The following AKAP6 variants were observed in gnomAD, a reference collection of about 807,000 sequenced individuals.
AKAP6 encodes the protein A-kinase anchor protein 6.
AKAP6 carries 58 observed loss-of-function variants against 188.5 expected under a neutral mutation model. That is an observed-to-expected ratio of 0.31 (90% CI 0.25 to 0.38). The LOEUF is 0.38. Among genes scored for constraint, AKAP6 ranks in the 10% least tolerant of loss-of-function variants. The pLI, the probability that AKAP6 is intolerant of heterozygous loss-of-function variation, is 1.00. For missense variants in AKAP6, 2,710 were observed against 2,740.0 expected, an observed-to-expected ratio of 0.99 and a Z score of 0.24; for synonymous variants, 989 against 998.6, an observed-to-expected ratio of 0.99 and a Z score of 0.18.
chr14:32,405,652 G>C (rs1469151267), intron 1 of AKAP6, among the ~76,000 whole-genome samples: 1 of 151,842 alleles, frequency 6.6e-6, no homozygotes, highest in Non-Finnish European at 1.5e-5. Context: ...GGACCAGGTG[G>C]ATGTAATTGA....
chr14:32,830,261 G>A lies in AKAP6; in HGVS notation c.*456G>A, dbSNP rs149668541. 54 of 311,536 alleles carry A rather than the reference G, an allele frequency of 1.7e-4. 1 individual carries two copies. Among genetic ancestry groups the A allele is most frequent in the African/African-American group, 9.5e-4 (44 of 46,406 alleles). The allele number at this position is 311,536 out of a possible 1,614,324, so 19.3% of individuals were successfully genotyped here. A position where few individuals can be genotyped will look rare whatever the true frequency, so the allele number is the denominator to read the frequency against. Reference sequence around the variant, plus strand: ...GTATCAATCTGGATTTTTTTTTAACGGTATAATGACTGTGTTTATTGAAAG... The same window carrying A: ...GTATCAATCTGGATTTTTTTTTAACAGTATAATGACTGTGTTTATTGAAAG... On this transcript the variant is annotated 3_prime_UTR_variant, in exon 14 of 14. Transcript: ENST00000280979.
intron 4 of AKAP6, among the ~76,000 whole-genome samples, chr14:32,564,118 A>G (rs1171555169): frequency 6.6e-6 from 1 of 152,150 alleles, no homozygotes; most frequent in African/African-American, 2.4e-5. Flanking sequence ...TGTAATATCT[A>G]ATATAATGTA....
intron 1 of AKAP6, among the ~76,000 whole-genome samples, chr14:32,404,150 G>T (rs540432506): frequency 1.7e-4 from 26 of 152,012 alleles, no homozygotes; most frequent in South Asian, 4.2e-4. Context: ...AAAACTTTTA[G>T]TAGAGTCTTT....
intron 12 of AKAP6, among the ~76,000 whole-genome samples, chr14:32,793,991 A>G (rs1196604783): frequency 6.6e-6 from 1 of 152,110 alleles, no homozygotes; most frequent in Admixed American, 6.6e-5. Context: ...TCAGCTCTGG[A>G]TCAAGTGGAC....
At chr14:32,685,724 CAAAAAAAAAAA>C (rs71115091) in intron 8 of AKAP6, among the ~76,000 whole-genome samples, 1 of 86,234 alleles carries the variant, frequency 1.2e-5, no homozygotes, top group Non-Finnish European at 2.4e-5. Flanking sequence ...GACTCCATCT[CAAAAAAAAAAA>C]AAAAAAAAAG....
At chr14:32,631,393 C>A (rs150002590) in intron 7 of AKAP6, among the ~76,000 whole-genome samples, 1 of 152,010 alleles carries the variant, frequency 6.6e-6, no homozygotes, top group East Asian at 1.9e-4. Flanking sequence ...TTATGATTTC[C>A]TGATTGGATT....
Position 32,486,383 on chromosome 14 carries a change from T to C in AKAP6, c.325-49171T>C, listed in dbSNP as rs1320595452. ...CGATGGTAGCTTGATGGGAATAGCA[T>C]TGAATCTTTAAATTAATTTGGGCAT... On this transcript the variant is annotated intron_variant, in intron 2 of 13. Transcript: ENST00000280979. Among the ~76,000 whole-genome samples, 4 of 152,216 alleles carry C rather than the reference T, an allele frequency of 2.6e-5. No individual in the cohort carries two copies. The South Asian group carries it at 6.2e-4, about 24-fold the overall frequency.
At chr14:32,527,687 T>C (rs1215833226) in intron 2 of AKAP6, among the ~76,000 whole-genome samples, 6 of 152,262 alleles carry the variant, frequency 3.9e-5, no homozygotes, top group Non-Finnish European at 5.9e-5. Flanking sequence ...TTAATTTGCA[T>C]TTCCCTGATG....
At chr14:32,628,429 A>G (rs944421125) in intron 7 of AKAP6, among the ~76,000 whole-genome samples, 3 of 152,060 alleles carry the variant, frequency 2.0e-5, no homozygotes, top group Non-Finnish European at 4.4e-5. Context: ...TAGAATTTCA[A>G]GGGCCTCCAC....
intron 7 of AKAP6, among the ~76,000 whole-genome samples, chr14:32,616,360 C>T (rs1353675484): frequency 6.6e-6 from 1 of 152,188 alleles, no homozygotes; most frequent in African/African-American, 2.4e-5. Flanking sequence ...TCTAAACGCC[C>T]ATCAATTGTA....
At chr14:32,796,921 G>A (rs2033785998) in intron 12 of AKAP6, among the ~76,000 whole-genome samples, 1 of 152,158 alleles carries the variant, frequency 6.6e-6, no homozygotes, top group Admixed American at 6.6e-5. Context: ...CTAATACCCT[G>A]AGTCTACAAG....
intron 12 of AKAP6, among the ~76,000 whole-genome samples, chr14:32,817,491 T>TTGTG (rs3033323): frequency 6.2e-5 from 9 of 145,344 alleles, no homozygotes; most frequent in African/African-American, 2.3e-4. Context: ...GTGTCTGTGT[T>TTGTG]TGTGTGTGTG....
chr14:32,587,892 A>T (rs538450775), intron 5 of AKAP6, among the ~76,000 whole-genome samples: 18 of 152,322 alleles, frequency 1.2e-4, no homozygotes, highest in African/African-American at 4.1e-4. Context: ...ACGTGATATT[A>T]TAAGTAGTAT....
At chr14:32,711,830 G>C (rs2029886826) in intron 9 of AKAP6, among the ~76,000 whole-genome samples, 1 of 151,890 alleles carries the variant, frequency 6.6e-6, no homozygotes, top group South Asian at 2.1e-4. Context: ...GGAGAAGGAG[G>C]CCAGATTCCC....
intron 7 of AKAP6, among the ~76,000 whole-genome samples, chr14:32,607,444 C>T (rs1248507382): frequency 6.6e-6 from 1 of 152,152 alleles, no homozygotes; most frequent in Non-Finnish European, 1.5e-5. Flanking sequence ...CAGAAATGAT[C>T]TAGTAAGACT....
At chr14:32,743,580 T>C (rs1221998903) in intron 11 of AKAP6, among the ~76,000 whole-genome samples, 1 of 152,156 alleles carries the variant, frequency 6.6e-6, no homozygotes, top group African/African-American at 2.4e-5. Flanking sequence ...GGAAATACTA[T>C]CTTATAACCC....
Position 32,824,084 on chromosome 14 carries a change from A to G in AKAP6, c.6271A>G (p.Lys2091Glu). 6.2e-7 allele frequency: 1 copy of G among 1,613,912 alleles called. No individual in the cohort carries two copies. Among genetic ancestry groups the G allele is most frequent in the East Asian group, 2.2e-5 (1 of 44,878 alleles). ...TGCTCCTACTTCATTAACTCAAATCAAGGAGAAAGTGTTGGAGCATTCTCA... is the reference window on the plus strand; with the variant it reads ...TGCTCCTACTTCATTAACTCAAATCGAGGAGAAAGTGTTGGAGCATTCTCA... ...VAAPTSLTQIKEKVLEHSHRP... is the reference protein window; with the variant it reads ...VAAPTSLTQIEEKVLEHSHRP... The change falls in exon 13 of 14, where the codon AAG becomes GAG. Residue 2091 changes from lysine to glutamate, a missense_variant. Coordinates refer to ENST00000280979, the MANE Select transcript of AKAP6 (RefSeq NM_004274.5).
intron 2 of AKAP6, among the ~76,000 whole-genome samples, chr14:32,445,540 T>C (rs1048976875): frequency 1.3e-5 from 2 of 151,236 alleles, no homozygotes; most frequent in Admixed American, 1.3e-4. Flanking sequence ...GCCCAGCTAA[T>C]TTTTTTTTGT....
chr14:32,562,448 A>G (rs1208037458), intron 4 of AKAP6, among the ~76,000 whole-genome samples: 6 of 152,160 alleles, frequency 3.9e-5, no homozygotes, highest in African/African-American at 1.4e-4. Flanking sequence ...AGAGAAGACT[A>G]TCGGTAGTCT....
Sources: allele counts gnomAD v4.1 joint callset (sites outside exome capture counted in the v4.1 genomes callset), GRCh38; gene constraint gnomAD v4.1.1; transcripts MANE v1.5; gene names NCBI Gene and HGNC (gene_info 2026-07-23, HGNC 2026-07-21).